IST1: variants seen among roughly 807,000 people sequenced by gnomAD.
IST1 encodes IST1 factor associated with ESCRT-III, also known as IST1 homolog.
In IST1, 23 loss-of-function variants were observed where a neutral mutation model predicts 37.0. The observed-to-expected ratio is 0.62, with a 90% CI of 0.45 to 0.88. The LOEUF is 0.88. Among genes scored for constraint, IST1 ranks in the 40% least tolerant of loss-of-function variants. The probability of loss-of-function intolerance (pLI) is 0.00; values close to 1 mark genes in which losing one functional copy is unlikely to be tolerated. For missense variants in IST1, 488 were observed against 445.4 expected (o/e 1.10, Z -0.86); for synonymous variants, 180 against 161.7 (o/e 1.11, Z -0.86).
chr16:71,897,605 T>G (rs1301803847), intron 1 of IST1, among the ~76,000 whole-genome samples: 1 of 152,202 alleles, frequency 6.6e-6, no homozygotes, highest in African/African-American at 2.4e-5. Context: ...CAGCATTACT[T>G]ATATGGTACA....
At chr16:71,923,621 G>C in intron 8 of IST1, 1 of 358,070 alleles carries the variant, frequency 2.8e-6, no homozygotes, top group Non-Finnish European at 5.1e-6. Context: ...AGGAACTGCA[G>C]ATTTCTTAGA....
At chr16:71,922,978 C>G (rs906433580) in intron 7 of IST1, 2 of 491,206 alleles carry the variant, frequency 4.1e-6, no homozygotes, top group Non-Finnish European at 7.2e-6. Context: ...ATGAATAAAC[C>G]ACCAATTATT....
At position 71,922,615 on chromosome 16, in the gene IST1, A is replaced by G. The variant is rs1184727094; in HGVS notation, c.694A>G (p.Met232Val). The G allele has an allele frequency of 6.5e-7, 1 of 1,529,904 alleles. No individual in the cohort carries two copies. Among genetic ancestry groups the G allele is most frequent in the East Asian group, 2.4e-5 (1 of 42,270 alleles). 94.8% of individuals were successfully genotyped at this position (1,529,904 alleles called of 1,614,324 possible). ...ACCTGATGGAACGGTGCCAATGCCC[A>G]TGCCCATGCCCATGCCTATGCCATC... ...GGPDGTVPMPMPMPMPMPSAN... is the reference protein window; with the variant it reads ...GGPDGTVPMPVPMPMPMPSAN... Residue 232 changes from methionine to valine, a missense_variant, in exon 7 of 10, where the codon ATG (methionine) becomes GTG (valine). By Grantham distance (21) the Met-to-Val change is conservative (BLOSUM62 1). Around this residue, in one of 2 missense-constraint regions of IST1, gnomAD observed 455 missense variants for 386.2 expected, o/e 1.18. Coordinates refer to ENST00000378799, the MANE Select transcript of IST1 (RefSeq NM_001270975.2).
intron 1 of IST1, among the ~76,000 whole-genome samples, chr16:71,906,189 G>A (rs1260202832): frequency 1.3e-5 from 2 of 150,912 alleles, no homozygotes; most frequent in Non-Finnish European, 2.9e-5. Context: ...GTTTTTAGTA[G>A]AGACGGGGTT....
chr16:71,904,538 C>T (rs867766567), intron 1 of IST1, among the ~76,000 whole-genome samples: 21 of 152,170 alleles, frequency 1.4e-4, no homozygotes, highest in African/African-American at 4.6e-4. Flanking sequence ...TCAGTCCCCC[C>T]GAGTAGCTGG....
In IST1 at chr16:71,929,804, G is replaced by A. The variant is rs949825176; in HGVS notation, c.*1991G>A. 1 of 1,080,240 alleles carries A rather than the reference G, an allele frequency of 9.3e-7. No homozygotes were observed. Among genetic ancestry groups the A allele is most frequent in the Non-Finnish European group, 1.3e-6 (1 of 769,486 alleles). 66.9% of individuals were successfully genotyped at this position (1,080,240 alleles called of 1,614,324 possible). ...AAAGATACTATTTCTTTAATAATTTGCAGTCAGGCATTGGAGTGTTTCCAC... is the reference window on the plus strand; with the variant it reads ...AAAGATACTATTTCTTTAATAATTTACAGTCAGGCATTGGAGTGTTTCCAC... On this transcript the variant is annotated 3_prime_UTR_variant, in exon 10 of 10. Coordinates refer to ENST00000378799, the MANE Select transcript of IST1 (RefSeq NM_001270975.2).
intron 1 of IST1, among the ~76,000 whole-genome samples, chr16:71,906,984 C>T (rs1328338602): frequency 2.0e-5 from 3 of 151,936 alleles, no homozygotes; most frequent in East Asian, 1.9e-4. Flanking sequence ...GAGCAGAGAT[C>T]GTGCCACTAC....
intron 1 of IST1, 81 bp downstream of exon 1, chr16:71,895,670 G>A: frequency 3.8e-6 from 2 of 527,342 alleles, no homozygotes; most frequent in African/African-American, 2.1e-5. Flanking sequence ...TCTAGTTAGC[G>A]CTAGGGCCCG....
Position 71,929,464 on chromosome 16 carries a change from A to G in IST1, c.*1651A>G. ...AGAATTAAAAACAAAGTATATTATA[A>G]TTTTAAAGCTATGCCATGCAAAGAT... On this transcript the variant is annotated 3_prime_UTR_variant, in exon 10 of 10. Coordinates refer to ENST00000378799, the MANE Select transcript of IST1 (RefSeq NM_001270975.2). The G allele has an allele frequency of 7.3e-7, 1 of 1,366,896 alleles. No homozygotes were observed. Among genetic ancestry groups the G allele is most frequent in the Non-Finnish European group, 9.8e-7 (1 of 1,024,176 alleles). 84.7% of individuals were successfully genotyped at this position (1,366,896 alleles called of 1,614,324 possible).
At chr16:71,911,710 ATTTTTTT>A (rs550809762) in intron 1 of IST1, among the ~76,000 whole-genome samples, 24 of 90,898 alleles carry the variant, frequency 2.6e-4, no homozygotes, top group Admixed American at 5.2e-4. Flanking sequence ...TTAAACTTCG[ATTTTTTT>A]TTTTTTTTTT....
chr16:71,923,542 G>A lies in IST1; in HGVS notation c.852+162G>A, dbSNP rs575254178. On this transcript the variant is annotated intron_variant, in intron 8 of 9. Coordinates refer to ENST00000378799, the MANE Select transcript of IST1 (RefSeq NM_001270975.2). ...TGCTTTATAACACTACCCTGGAAATGTGGAGTGGGTGGTGATGGCAGTATC... is the reference window on the plus strand; with the variant it reads ...TGCTTTATAACACTACCCTGGAAATATGGAGTGGGTGGTGATGGCAGTATC... 2.8e-4 allele frequency: 129 copies of A among 462,414 alleles called. 2 individuals carry two copies. The highest frequency in any genetic ancestry group is 6.0e-4 in the South Asian group (19 of 31,846). 28.6% of individuals were successfully genotyped at this position (462,414 alleles called of 1,614,324 possible).
chr16:71,921,135 C>T, intron 5 of IST1: 1 of 599,148 alleles, frequency 1.7e-6, no homozygotes, highest in South Asian at 2.0e-5. Context: ...CTTTTGCCAG[C>T]ATCTGGGTCA....
intron 1 of IST1, among the ~76,000 whole-genome samples, chr16:71,912,697 A>G (rs1215899160): frequency 6.6e-6 from 1 of 152,230 alleles, no homozygotes; most frequent in African/African-American, 2.4e-5. Context: ...TCGTTGTGCA[A>G]CAGATCTCCA....
chr16:71,926,674 A>T (rs2037751920), intron 9 of IST1, among the ~76,000 whole-genome samples: 1 of 152,140 alleles, frequency 6.6e-6, no homozygotes, highest in Non-Finnish European at 1.5e-5. Flanking sequence ...GTATACACAG[A>T]CAATTCCACT....
intron 4 of IST1, among the ~76,000 whole-genome samples, chr16:71,917,610 T>C (rs151108400): frequency 1.3e-5 from 2 of 152,260 alleles, no homozygotes; most frequent in African/African-American, 2.4e-5. Flanking sequence ...AACCAGAAAA[T>C]TGCACATCAC....
At chr16:71,901,756 A>G (rs901840914) in intron 1 of IST1, among the ~76,000 whole-genome samples, 2 of 152,164 alleles carry the variant, frequency 1.3e-5, no homozygotes, top group African/African-American at 2.4e-5. Context: ...AATTTGTAGA[A>G]TTTTTTTAAA....
At chr16:71,921,663 T>G (rs1280426004) in intron 6 of IST1, 1 of 490,362 alleles carries the variant, frequency 2.0e-6, no homozygotes, top group African/African-American at 1.9e-5. Context: ...GTCAAAACCT[T>G]GATACAAATG....
chr16:71,917,175 A>T (rs1017249923), intron 4 of IST1, 41 bp downstream of exon 4: 8 of 1,233,976 alleles, frequency 6.5e-6, no homozygotes, highest in Non-Finnish European at 9.4e-6. Context: ...AGCTTTTCAT[A>T]TTGTTAGAAA....
Position 71,923,354 on chromosome 16 carries a change from C to A in IST1, c.826C>A (p.Pro276Thr), listed in dbSNP as rs1567473638. 1.2e-6 allele frequency: 2 copies of A among 1,608,942 alleles called. No individual in the cohort carries two copies. The highest frequency in any genetic ancestry group is 1.7e-5 in the Admixed American group (1 of 59,930). ...AFPNIHPPQI[P>T]ATPPSYESVD... ...TCCCAATATTCATCCACCTCAGATA[C>A]CAGCAACTCCCCCATCGTATGAATC... is the stretch of plus-strand genomic sequence containing the variant. The change falls in exon 8 of 10, where the codon CCA becomes ACA. Residue 276 changes from proline to threonine, a missense_variant. By Grantham distance (38) the Pro-to-Thr change is conservative (BLOSUM62 -1). Coordinates refer to ENST00000378799, the MANE Select transcript of IST1 (RefSeq NM_001270975.2).
Sources: allele counts gnomAD v4.1 joint callset (sites outside exome capture counted in the v4.1 genomes callset), GRCh38; gene constraint gnomAD v4.1.1; regional missense constraint gnomAD v4.1.1; transcripts MANE v1.5; gene names NCBI Gene and HGNC (gene_info 2026-07-23, HGNC 2026-07-21).